The following CSNK2A2IP variants were observed in gnomAD, a reference collection of about 807,000 sequenced individuals.
CSNK2A2IP encodes casein kinase II subunit alpha'-interacting protein.
the CSNK2A2IP span, among the ~76,000 whole-genome samples, chr3:88,451,902 A>G: frequency 6.6e-6 from 1 of 152,040 alleles, no homozygotes; most frequent in South Asian, 2.1e-4. Flanking sequence ...TTATAATTTT[A>G]TACCTGTAAT....
At chr3:88,360,177 C>T in the CSNK2A2IP span, among the ~76,000 whole-genome samples, 2 of 151,136 alleles carry the variant, frequency 1.3e-5, no homozygotes, top group Non-Finnish European at 2.9e-5. Flanking sequence ...TCTCTGTTGC[C>T]CAGGCTGGAG....
At chr3:88,404,485 G>C in the CSNK2A2IP span, among the ~76,000 whole-genome samples, 2 of 152,094 alleles carry the variant, frequency 1.3e-5, no homozygotes, top group Non-Finnish European at 2.9e-5. Context: ...ATTGGAATAA[G>C]TTTACATGAA....
chr3:88,401,120 A>G, the CSNK2A2IP span, among the ~76,000 whole-genome samples: 1 of 152,184 alleles, frequency 6.6e-6, no homozygotes, highest in Non-Finnish European at 1.5e-5. Flanking sequence ...TTTGTCTTCA[A>G]ATATTAGGCA....
At chr3:88,405,445 T>A in the CSNK2A2IP span, among the ~76,000 whole-genome samples, 4 of 152,276 alleles carry the variant, frequency 2.6e-5, no homozygotes, top group African/African-American at 9.6e-5. Context: ...CCCTGCCTCC[T>A]TCCCTGTAGG....
chr3:88,452,577 C>T, the CSNK2A2IP span, among the ~76,000 whole-genome samples: 1 of 152,042 alleles, frequency 6.6e-6, no homozygotes, highest in Non-Finnish European at 1.5e-5. Flanking sequence ...TCTTCAAGTT[C>T]ACTACAGTAA....
the CSNK2A2IP span, among the ~76,000 whole-genome samples, chr3:88,377,814 C>G: frequency 6.6e-6 from 1 of 151,742 alleles, no homozygotes; most frequent in Non-Finnish European, 1.5e-5. Context: ...AACCAACACA[C>G]AGAACTGCAT....
At chr3:88,355,563 G>C in the CSNK2A2IP span, among the ~76,000 whole-genome samples, 1 of 151,986 alleles carries the variant, frequency 6.6e-6, no homozygotes, top group African/African-American at 2.4e-5. Flanking sequence ...CATTAATATT[G>C]CTTTCTGATA....
At chr3:88,439,156 T>G in the CSNK2A2IP span, among the ~76,000 whole-genome samples, 1 of 152,188 alleles carries the variant, frequency 6.6e-6, no homozygotes, top group Non-Finnish European at 1.5e-5. Flanking sequence ...TTCCAAAACT[T>G]AAATGCCTCA....
At chr3:88,445,303 A>T in the CSNK2A2IP span, among the ~76,000 whole-genome samples, 5 of 148,432 alleles carry the variant, frequency 3.4e-5, no homozygotes, top group African/African-American at 1.3e-4. Flanking sequence ...AAAAAAAATT[A>T]GCCAGGCTTG....
At chr3:88,353,706 T>G in the CSNK2A2IP span, among the ~76,000 whole-genome samples, 4 of 152,208 alleles carry the variant, frequency 2.6e-5, no homozygotes, top group East Asian at 7.7e-4. Flanking sequence ...TCAATTACAC[T>G]CTAATCATAT....
At chr3:88,362,366 G>C in the CSNK2A2IP span, among the ~76,000 whole-genome samples, 2 of 152,298 alleles carry the variant, frequency 1.3e-5, no homozygotes, top group East Asian at 3.9e-4. Flanking sequence ...CAGACTTCTA[G>C]ATAGAAAGCC....
chr3:88,465,658 C>T, the CSNK2A2IP span: 45,938 of 1,231,572 alleles, frequency 0.037, 1,435 homozygotes, highest in East Asian at 0.16. Context: ...TCAGAACACA[C>T]CTTCAATAGG....
At chr3:88,383,812 C>G in the CSNK2A2IP span, among the ~76,000 whole-genome samples, 2 of 151,860 alleles carry the variant, frequency 1.3e-5, no homozygotes, top group Non-Finnish European at 2.9e-5. Context: ...TACAGGTGCC[C>G]GCCACCACGC....
At chr3:88,368,138 TTC>T in the CSNK2A2IP span, among the ~76,000 whole-genome samples, 3 of 151,946 alleles carry the variant, frequency 2.0e-5, no homozygotes, top group Non-Finnish European at 2.9e-5. Flanking sequence ...GGGAATGAGT[TTC>T]ATTGTTAAAA....
the CSNK2A2IP span, among the ~76,000 whole-genome samples, chr3:88,434,361 A>G: frequency 6.6e-6 from 1 of 152,138 alleles, no homozygotes; most frequent in African/African-American, 2.4e-5. Context: ...CAGAAAAAAA[A>G]AATAAAATAT....
chr3:88,364,324 T>A, the CSNK2A2IP span, among the ~76,000 whole-genome samples: 2 of 152,068 alleles, frequency 1.3e-5, no homozygotes, highest in African/African-American at 4.8e-5. Flanking sequence ...GTAAATCTAG[T>A]TATTGTTACT....
chr3:88,389,826 CT>C, the CSNK2A2IP span, among the ~76,000 whole-genome samples: 66,684 of 143,364 alleles, frequency 0.47, 15,663 homozygotes, highest in South Asian at 0.62. Context: ...AAACCCTGTA[CT>C]TTTTTTTTTT....
chr3:88,345,859 A>G, the CSNK2A2IP span, among the ~76,000 whole-genome samples: 1 of 151,962 alleles, frequency 6.6e-6, no homozygotes, highest in Non-Finnish European at 1.5e-5. Flanking sequence ...TAAAAAACTA[A>G]AAATGATTAA....
At chr3:88,340,997 A>G in the CSNK2A2IP span, among the ~76,000 whole-genome samples, 1 of 151,962 alleles carries the variant, frequency 6.6e-6, no homozygotes, top group Non-Finnish European at 1.5e-5. Flanking sequence ...TCTTTTGTAA[A>G]CATACTAAAA....
Sources: allele counts gnomAD v4.1 joint callset (sites outside exome capture counted in the v4.1 genomes callset), GRCh38; gene constraint gnomAD v4.1.1; transcripts MANE v1.5; gene names NCBI Gene and HGNC (gene_info 2026-07-23, HGNC 2026-07-21).